JAKMIP3: variants seen among roughly 807,000 people sequenced by gnomAD.
The protein encoded by JAKMIP3 is janus kinase and microtubule-interacting protein 3.
A neutral mutation model predicts 118.5 loss-of-function variants in JAKMIP3; 58 were observed. That is an observed-to-expected ratio of 0.49 (90% confidence interval 0.40 to 0.61). The LOEUF (loss-of-function observed/expected upper bound fraction) is 0.61. Ranked by LOEUF, JAKMIP3 falls within the 20% of genes least tolerant of loss-of-function variation. The pLI is 0.00. For missense variants in JAKMIP3, 950 were observed against 1,109.0 expected, an observed-to-expected ratio of 0.86 and a Z score of 2.04; for synonymous variants, 486 against 451.2, an observed-to-expected ratio of 1.08 and a Z score of -0.98.
chr10:132,037,268 AC>A (rs1457679781), intron 1 of JAKMIP3, among the ~76,000 whole-genome samples: 8 of 151,864 alleles, frequency 5.3e-5, no homozygotes. Flanking sequence ...TGTACCCGCG[AC>A]CTTGCCTCTC....
Position 132,149,398 on chromosome 10 carries a change from T to C in JAKMIP3, c.1849-14T>C, listed in dbSNP as rs1280537502. On this transcript the variant is annotated splice_polypyrimidine_tract_variant and intron_variant, in intron 14 of 23. Coordinates refer to ENST00000684848, the MANE Select transcript of JAKMIP3 (RefSeq NM_001323087.2). ...GGGAGGGGAGCGGCTCACCCTTCTG[T>C]CCCTCTGTCCTAGGAGAGGGAGAGG... The C allele has an allele frequency of 1.3e-6, 2 of 1,569,240 alleles. No individual in the cohort carries two copies. Among genetic ancestry groups the C allele is most frequent in the Non-Finnish European group, 1.7e-6 (2 of 1,151,138 alleles).
intron 16 of JAKMIP3, among the ~76,000 whole-genome samples, chr10:132,150,571 A>G (rs149161280): frequency 8.5e-5 from 13 of 152,274 alleles, no homozygotes; most frequent in Non-Finnish European, 1.5e-4. Flanking sequence ...CCATCAATGC[A>G]CCATCTACCT....
intron 2 of JAKMIP3, among the ~76,000 whole-genome samples, chr10:132,110,584 G>T (rs141570506): frequency 7.9e-5 from 12 of 152,222 alleles, no homozygotes; most frequent in Non-Finnish European, 1.6e-4. Flanking sequence ...ATCACATTTT[G>T]CAGACTGTGA....
intron 8 of JAKMIP3, 126 bp downstream of exon 8, chr10:132,137,415 T>C: frequency 8.1e-7 from 1 of 1,228,072 alleles, no homozygotes; most frequent in Non-Finnish European, 1.2e-6. Flanking sequence ...TTCGGGTGGA[T>C]TTTGTTGTTG....
chr10:132,133,231 T>C (rs1456852219), intron 3 of JAKMIP3, 81 bp from the exon 4 acceptor site: 11 of 1,224,696 alleles, frequency 9.0e-6, no homozygotes, highest in Non-Finnish European at 1.3e-5. Flanking sequence ...GCCCAGAGCC[T>C]GGCAGGGCTG....
rs1396552509 is a variant in JAKMIP3, at chr10:132,180,588, T to G, written c.*1104-1769T>G. On this transcript the variant is annotated intron_variant, in intron 23 of 23. Coordinates refer to ENST00000684848, the MANE Select transcript of JAKMIP3 (RefSeq NM_001323087.2). ...GTGTGCGTGTGTGTGTGCGTGCGCG[T>G]GTGTGTGTGCGTGCGCGTGTGTGTG... Among the ~76,000 whole-genome samples the G allele has an allele frequency of 1.4e-3, 39 of 28,026 alleles. 13 individuals carry two copies. The highest frequency in any genetic ancestry group is 2.2e-3 in the Non-Finnish European group (36 of 16,076). The allele number at this position is 28,026 out of a possible 152,430, so 18.4% of individuals were successfully genotyped here.
At chr10:132,153,270 G>A (rs538109301) in intron 17 of JAKMIP3, among the ~76,000 whole-genome samples, 12 of 152,354 alleles carry the variant, frequency 7.9e-5, no homozygotes, top group African/African-American at 2.6e-4. Context: ...TCCTCCCAAA[G>A]GCGGGAAGGT....
chr10:132,133,435 G>A lies in JAKMIP3; in HGVS notation c.757G>A (p.Val253Ile). 1.9e-6 allele frequency: 3 copies of A among 1,591,062 alleles called. No individual in the cohort carries two copies. In the South Asian group the frequency reaches 3.4e-5, roughly 18 times the overall value. ...GGCTCTAGATGAGCAGCTGTCCCAGGTCCGAGAGGCCGACCGGCACCCGGG... is the reference window on the plus strand; with the variant it reads ...GGCTCTAGATGAGCAGCTGTCCCAGATCCGAGAGGCCGACCGGCACCCGGG... ...KEALDEQLSQVREADRHPGSP... is the reference protein window; with the variant it reads ...KEALDEQLSQIREADRHPGSP... The change falls in exon 4 of 24, where the codon GTC (valine) becomes ATC (isoleucine). Residue 253 changes from valine (V) to isoleucine (I), a missense_variant. By Grantham distance (29) the Val-to-Ile change is conservative. Coordinates refer to ENST00000684848, the MANE Select transcript of JAKMIP3 (RefSeq NM_001323087.2).
upstream of JAKMIP3, among the ~76,000 whole-genome samples, chr10:132,060,293 A>G (rs1053915881): frequency 3.3e-5 from 5 of 152,116 alleles, no homozygotes; most frequent in Non-Finnish European, 5.9e-5. Flanking sequence ...CCGGGAGGTG[A>G]TGATGAGATG....
chr10:132,140,819 C>T (rs544806114), intron 10 of JAKMIP3, among the ~76,000 whole-genome samples: 1 of 152,164 alleles, frequency 6.6e-6, no homozygotes, highest in South Asian at 2.1e-4. Flanking sequence ...GGCTGAGGCC[C>T]GCTCTTGCTC....
intron 23 of JAKMIP3, among the ~76,000 whole-genome samples, chr10:132,176,033 G>A (rs1471486190): frequency 6.6e-6 from 1 of 152,238 alleles, no homozygotes; most frequent in Non-Finnish European, 1.5e-5. Flanking sequence ...GTACTGCCCA[G>A]GCACTGCCTG....
chr10:132,100,841 G>A (rs866280847), intron 1 of JAKMIP3, among the ~76,000 whole-genome samples: 13 of 151,864 alleles, frequency 8.6e-5, no homozygotes, highest in Non-Finnish European at 1.5e-4. Context: ...CCCCTGCCGC[G>A]CTCCCCGTTC....
At chr10:132,146,956 A>C (rs1179114394) in intron 13 of JAKMIP3, among the ~76,000 whole-genome samples, 3 of 152,250 alleles carry the variant, frequency 2.0e-5, no homozygotes, top group Admixed American at 6.5e-5. Context: ...CTGCGTGCAC[A>C]CTTGAACACG....
chr10:132,093,342 G>A (rs1027303435), intron 1 of JAKMIP3, among the ~76,000 whole-genome samples: 19 of 152,274 alleles, frequency 1.2e-4, no homozygotes, highest in South Asian at 2.1e-4. Flanking sequence ...CCTTTTGTTC[G>A]GCTGTGCCCT....
At chr10:132,145,654 G>A in intron 13 of JAKMIP3, 74 bp downstream of exon 13, 1 of 1,280,386 alleles carries the variant, frequency 7.8e-7, no homozygotes, top group South Asian at 1.3e-5. Flanking sequence ...TCCCTGCGGG[G>A]CTGAAGGATG....
intron 16 of JAKMIP3, among the ~76,000 whole-genome samples, chr10:132,150,872 CATCCTTCATCT>C (rs1286658419): frequency 6.6e-6 from 1 of 152,258 alleles, no homozygotes; most frequent in Admixed American, 6.5e-5. Context: ...ATCCATCCTT[CATCCTTCATCT>C]ATCCTTCATC....
Position 132,044,359 on chromosome 10 carries a change from C to T in JAKMIP3, c.-138+7621C>T, listed in dbSNP as rs372584121. Among the ~76,000 whole-genome samples the T allele has an allele frequency of 1.1e-4, 17 of 152,250 alleles. No individual in the cohort carries two copies. Among genetic ancestry groups the T allele is most frequent in the African/African-American group, 3.9e-4 (16 of 41,476 alleles). ...CTGAGACAGACACAACTTCAGCCGTCGTGCAAACAGGTCATCTTAGCAGTG... is the reference window on the plus strand; with the variant it reads ...CTGAGACAGACACAACTTCAGCCGTTGTGCAAACAGGTCATCTTAGCAGTG... On this transcript the variant is annotated intron_variant, in intron 1 of 23. Transcript: ENST00000657785. The surrounding 1 kb of genome is among the most constrained non-coding windows in gnomAD (Gnocchi z 5.3).
At chr10:132,134,759 T>C (rs139766370) in intron 4 of JAKMIP3, among the ~76,000 whole-genome samples, 1 of 152,368 alleles carries the variant, frequency 6.6e-6, no homozygotes, top group African/African-American at 2.4e-5. Flanking sequence ...TCTAGACATG[T>C]CTGCTCCTTT....
intron 1 of JAKMIP3, among the ~76,000 whole-genome samples, chr10:132,100,202 T>G (rs1049924073): frequency 5.3e-5 from 6 of 112,816 alleles, no homozygotes; most frequent in African/African-American, 1.7e-4. Flanking sequence ...CCCACACAGG[T>G]CCCTCAGACC....
Sources: gnomAD v4.1 joint callset for allele counts (sites outside exome capture counted in the v4.1 genomes callset) on GRCh38, gnomAD v4.1.1 for gene constraint, Gnocchi (gnomAD v3.1) non-coding constraint, MANE v1.5 for transcripts, NCBI Gene and HGNC (gene_info 2026-07-23, HGNC 2026-07-21) for gene names.